Variants in MIEF1 observed in about 807,000 individuals in gnomAD.
MIEF1 encodes the protein mitochondrial elongation factor 1.
Under a neutral mutation model 35.1 loss-of-function variants are expected in MIEF1, and 14 were observed. The observed-to-expected ratio is 0.40, with a 90% CI of 0.26 to 0.62. MIEF1 has a LOEUF of 0.62. MIEF1 is among the 20% of genes least tolerant of loss of function. The pLI, the probability that MIEF1 is intolerant of heterozygous loss-of-function variation, is 0.43. For synonymous variants in MIEF1, 245 were observed against 254.3 expected (o/e 0.96, Z 0.35); for missense variants, 542 against 615.4 (o/e 0.88, Z 1.26).
intron 2 of MIEF1, among the ~76,000 whole-genome samples, chr22:39,505,974 C>G (rs1418097771): frequency 6.6e-6 from 1 of 152,174 alleles, no homozygotes; most frequent in Non-Finnish European, 1.5e-5. Context: ...TTTGGTTCTT[C>G]TCAGCCACTT....
Position 39,514,404 on chromosome 22 carries a change from T to A in MIEF1, c.*81T>A, listed in dbSNP as rs1222738128. The A allele has an allele frequency of 8.5e-6, 12 of 1,410,444 alleles. No individual in the cohort carries two copies. In the African/African-American group the frequency reaches 1.4e-4, roughly 17 times the overall value. The allele number at this position is 1,410,444 out of a possible 1,614,324, so 87.4% of individuals were successfully genotyped here. On this transcript the variant is annotated 3_prime_UTR_variant, in exon 6 of 6. Transcript: ENST00000325301. The stretch of plus-strand genomic sequence containing the variant: ...TACACTTGGCTACCTAGTTGGTGCC[T>A]CACAGGGTTCCTGCTGCCTGGTGTC...
At position 39,511,414 on chromosome 22, in the gene MIEF1, C is replaced by G. The variant is rs1930329387; in HGVS notation, c.120C>G (p.Gly40=). ...GGGTGGGTGGAGCGGCCATGCTGGG[C>G]ATCGCCACGCTGGCAGTTAAGCGGG... ...VLGVGGAAML[G]IATLAVKRMY... The change falls in exon 3 of 6, where the codon GGC becomes GGG. Residue 40 remains glycine (G), a synonymous_variant. Coordinates refer to ENST00000325301, the MANE Select transcript of MIEF1 (RefSeq NM_019008.6). 1 of 1,591,158 alleles carries G rather than the reference C, an allele frequency of 6.3e-7. No individual in the cohort carries two copies. Among genetic ancestry groups the G allele is most frequent in the South Asian group, 1.1e-5 (1 of 88,932 alleles).
Position 39,515,509 on chromosome 22 carries a change from C to T in MIEF1, c.*1186C>T. The T allele has an allele frequency of 1.6e-6, 1 of 608,822 alleles. No homozygotes were observed. The highest frequency in any genetic ancestry group is 3.0e-6 in the Non-Finnish European group (1 of 338,436). The allele number at this position is 608,822 out of a possible 1,614,324, so 37.7% of individuals were successfully genotyped here. A position where few individuals can be genotyped will look rare whatever the true frequency, so the allele number is the denominator to read the frequency against. Reference sequence around the variant, plus strand: ...GCAAGTGAGCATGCACGGACCTCTTCCCCCTGTCCTGTTTCTCACCCAGCA... The same window carrying T: ...GCAAGTGAGCATGCACGGACCTCTTTCCCCTGTCCTGTTTCTCACCCAGCA... On this transcript the variant is annotated 3_prime_UTR_variant, in exon 6 of 6. Transcript: ENST00000325301.
Position 39,513,832 on chromosome 22 carries a change from C to T in MIEF1, c.901C>T (p.Gln301Ter). The change falls in exon 6 of 6, where the codon CAG (glutamine) becomes TAG (stop). Residue 301 changes from glutamine to a stop codon, truncating the protein, a stop_gained. Coordinates refer to ENST00000325301, the MANE Select transcript of MIEF1 (RefSeq NM_019008.6). LOFTEE classifies it high-confidence loss of function. ...CCCAGAAGCCCTCACACTGGAGGTG[C>T]AGTATGAGCGTGACAAACATCTCTT... ...PPPEALTLEVQYERDKHLFID... is the reference protein window; with the variant it reads ...PPPEALTLEV 1 of 1,614,104 alleles carries T rather than the reference C, an allele frequency of 6.2e-7. No homozygotes were observed. The highest frequency in any genetic ancestry group is 8.5e-7 in the Non-Finnish European group (1 of 1,180,032).
In MIEF1 at chr22:39,517,248, C is replaced by G. The variant is rs745448253; in HGVS notation, c.*2925C>G. The G allele has an allele frequency of 5.5e-5, 11 of 201,678 alleles. No homozygotes were observed. Among genetic ancestry groups the G allele is most frequent in the Non-Finnish European group, 1.0e-4 (10 of 96,198 alleles). The allele number at this position is 201,678 out of a possible 1,614,324, so 12.5% of individuals were successfully genotyped here. ...AACACTTAAAAAATGCACTCATTAT[C>G]TTAAACCTAATAAATTCCAGAGTTT... On this transcript the variant is annotated 3_prime_UTR_variant, in exon 6 of 6. Coordinates refer to ENST00000325301, the MANE Select transcript of MIEF1 (RefSeq NM_019008.6).
rs1204011078 is a variant in MIEF1, at chr22:39,513,514, C to A, written c.586-3C>A. On this transcript the variant is annotated splice_region_variant and splice_polypyrimidine_tract_variant and intron_variant, in intron 5 of 5. Coordinates refer to ENST00000325301, the MANE Select transcript of MIEF1 (RefSeq NM_019008.6). Reference sequence around the variant, plus strand: ...CAAAACCCTTTAAATTCTGCCCTGACAGGTGGTGACAGCTGACCACATCCA... The same window carrying A: ...CAAAACCCTTTAAATTCTGCCCTGAAAGGTGGTGACAGCTGACCACATCCA... 14 of 1,612,868 alleles carry A rather than the reference C, an allele frequency of 8.7e-6. No homozygotes were observed. Among genetic ancestry groups the A allele is most frequent in the Non-Finnish European group, 1.2e-5 (14 of 1,178,976 alleles).
In MIEF1 at chr22:39,511,930, T is replaced by C. The variant is rs1317937096; in HGVS notation, c.226T>C (p.Trp76Arg). 2 of 1,614,182 alleles carry C rather than the reference T, an allele frequency of 1.2e-6. No homozygotes were observed. Among genetic ancestry groups the C allele is most frequent in the Non-Finnish European group, 1.7e-6 (2 of 1,180,022 alleles). Reference sequence around the variant, plus strand: ...GAAAAGGAGCTGGGAAGAACCCAACTGGATGGGCTCCCCACGACTGCTGAA... The same window carrying C: ...GAAAAGGAGCTGGGAAGAACCCAACCGGATGGGCTCCCCACGACTGCTGAA... ...SGKRSWEEPN[W>R]MGSPRLLNRD... The change falls in exon 4 of 6, where the codon TGG becomes CGG. Residue 76 changes from tryptophan to arginine, a missense_variant. Physicochemically the swap from Trp to Arg is moderately radical, Grantham distance 101. Coordinates refer to ENST00000325301, the MANE Select transcript of MIEF1 (RefSeq NM_019008.6).
chr22:39,514,235 T>C lies in MIEF1; in HGVS notation c.1304T>C (p.Phe435Ser). The C allele has an allele frequency of 6.2e-7, 1 of 1,614,206 alleles. No individual in the cohort carries two copies. Among genetic ancestry groups the C allele is most frequent in the Non-Finnish European group, 8.5e-7 (1 of 1,180,032 alleles). Residue 435 changes from phenylalanine to serine, a missense_variant, in exon 6 of 6, where the codon TTT (phenylalanine) becomes TCT (serine). Transcript: ENST00000325301. ...PSALNPKVNLFAELTPEEIDE... is the reference protein window; with the variant it reads ...PSALNPKVNLSAELTPEEIDE... Reference sequence around the variant, plus strand: ...GCCCTAAACCCCAAGGTGAACTTATTTGCAGAGCTCACCCCTGAAGAAATA... The same window carrying C: ...GCCCTAAACCCCAAGGTGAACTTATCTGCAGAGCTCACCCCTGAAGAAATA...
rs1015186211 is a variant in MIEF1, at chr22:39,514,554, C to G, written c.*231C>G. On this transcript the variant is annotated 3_prime_UTR_variant, in exon 6 of 6. Transcript: ENST00000325301. Reference sequence around the variant, plus strand: ...TGTGCTCTCTGCCGCCCCCTGGCTCCAGGCTAATTTTTCTGGAATGAATTG... The same window carrying G: ...TGTGCTCTCTGCCGCCCCCTGGCTCGAGGCTAATTTTTCTGGAATGAATTG... The G allele has an allele frequency of 5.3e-6, 3 of 561,832 alleles. No homozygotes were observed. In the African/African-American group the frequency reaches 5.6e-5, roughly 11 times the overall value. The allele number at this position is 561,832 out of a possible 1,614,324, so 34.8% of individuals were successfully genotyped here. A position where few individuals can be genotyped will look rare whatever the true frequency, so the allele number is the denominator to read the frequency against.
At chr22:39,501,264 C>A (rs531927894), upstream of MIEF1, among the ~76,000 whole-genome samples, 8 of 152,306 alleles carry the variant, frequency 5.3e-5, no homozygotes, top group South Asian at 1.4e-3. Flanking sequence ...AAAGGCTTAC[C>A]TGGGGGGAGG....
chr22:39,500,929 C>A (rs898792376), upstream of MIEF1, among the ~76,000 whole-genome samples: 3 of 152,066 alleles, frequency 2.0e-5, no homozygotes, highest in African/African-American at 7.2e-5. Context: ...CTCCTGACCT[C>A]AAGTAGATCC....
chr22:39,514,267 T>G lies in MIEF1; in HGVS notation c.1336T>G (p.Leu446Val). ...GCTCACCCCTGAAGAAATAGACGAA[T>G]TAGGATACACTCTGTATTGCTCATT... ...AELTPEEIDELGYTLYCSLSE... is the reference protein window; with the variant it reads ...AELTPEEIDEVGYTLYCSLSE... The change falls in exon 6 of 6, where the codon TTA (leucine) becomes GTA (valine). Residue 446 changes from leucine to valine, a missense_variant. Coordinates refer to ENST00000325301, the MANE Select transcript of MIEF1 (RefSeq NM_019008.6). 1 of 1,614,082 alleles carries G rather than the reference T, an allele frequency of 6.2e-7. No homozygotes were observed. Among genetic ancestry groups the G allele is most frequent in the South Asian group, 1.1e-5 (1 of 91,068 alleles).
Position 39,511,376 on chromosome 22 carries a change from C to G in MIEF1, c.82C>G (p.Arg28Gly), listed in dbSNP as rs747457801. The G allele has an allele frequency of 6.2e-7, 1 of 1,611,334 alleles. No homozygotes were observed. The highest frequency in any genetic ancestry group is 8.5e-7 in the Non-Finnish European group (1 of 1,178,460). Residue 28 changes from arginine to glycine, a missense_variant, in exon 3 of 6, where the codon CGG (arginine) becomes GGG (glycine). Transcript: ENST00000325301. ...TAIDFVLSNA[R>G]LVLGVGGAAM... ...CATTGACTTTGTGCTCTCCAATGCC[C>G]GGCTGGTGCTGGGGGTGGGTGGAGC...
chr22:39,513,084 AT>A (rs1649215073), intron 5 of MIEF1, among the ~76,000 whole-genome samples: 2 of 148,300 alleles, frequency 1.3e-5, no homozygotes, highest in South Asian at 4.3e-4. Flanking sequence ...TGTAGATTGC[AT>A]GGTGACATGA....
chr22:39,500,399 G>A (rs1929649303), upstream of MIEF1: 1 of 151,716 alleles, frequency 6.6e-6, no homozygotes, highest in African/African-American at 2.4e-5. Context: ...CTGATCCGAA[G>A]GGGAGACCCC....
In MIEF1 at chr22:39,511,912, A is replaced by T. The variant is rs576752056; in HGVS notation, c.208A>T (p.Ser70Cys). The change falls in exon 4 of 6, where the codon AGC (serine) becomes TGC (cysteine). Residue 70 changes from serine to cysteine, a missense_variant. Physicochemically the swap from Ser to Cys is moderately radical, Grantham distance 112 (BLOSUM62 -1). Coordinates refer to ENST00000325301, the MANE Select transcript of MIEF1 (RefSeq NM_019008.6). ...PTRLSHSGKR[S>C]WEEPNWMGSP... ...CCGCCTGAGCCATTCGGGGAAAAGG[A>T]GCTGGGAAGAACCCAACTGGATGGG... The T allele has an allele frequency of 4.1e-5, 66 of 1,614,234 alleles. No homozygotes were observed. Among genetic ancestry groups the T allele is most frequent in the South Asian group, 1.1e-5 (1 of 91,084 alleles).
intron 2 of MIEF1, among the ~76,000 whole-genome samples, chr22:39,505,644 A>G (rs1332421286): frequency 6.6e-6 from 1 of 152,238 alleles, no homozygotes; most frequent in African/African-American, 2.4e-5. Context: ...TGTGGGGACC[A>G]TCACAGCTCT....
Position 39,511,304 on chromosome 22 carries a change from G to A in MIEF1, c.10G>A (p.Ala4Thr), listed in dbSNP as rs749536883. 3 of 1,613,590 alleles carry A rather than the reference G, an allele frequency of 1.9e-6. No individual in the cohort carries two copies. Among genetic ancestry groups the A allele is most frequent in the Non-Finnish European group, 2.5e-6 (3 of 1,179,878 alleles). Residue 4 changes from alanine to threonine, a missense_variant, in exon 3 of 6, where the codon GCT (alanine) becomes ACT (threonine). By Grantham distance (58) the Ala-to-Thr change is moderately conservative (BLOSUM62 0). Transcript: ENST00000325301. MAG[A>T]GERKGKKDDN... ...CATTCTCAGATGAGCAATGGCAGGC[G>A]CTGGTGAGCGCAAAGGCAAGAAGGA...
intron 5 of MIEF1, among the ~76,000 whole-genome samples, chr22:39,513,100 ATTT>A (rs1277790294): frequency 3.3e-5 from 4 of 122,226 alleles, no homozygotes. Context: ...ACATGAAAGA[ATTT>A]TTTTTTTTTT....
Sources: gnomAD v4.1 joint callset for allele counts (sites outside exome capture counted in the v4.1 genomes callset) on GRCh38, gnomAD v4.1.1 for gene constraint, MANE v1.5 for transcripts, NCBI Gene and HGNC (gene_info 2026-07-23, HGNC 2026-07-21) for gene names.